NTM: variants seen among roughly 807,000 people sequenced by gnomAD.
The protein encoded by NTM is IgLON family member 2.
NTM carries 13 observed loss-of-function variants against 42.1 expected under a neutral mutation model. The ratio of observed to expected loss-of-function variants is 0.31; its 90% CI spans 0.20 to 0.49. The LOEUF is 0.49. Among genes scored for constraint, NTM ranks in the 20% least tolerant of loss-of-function variants. The probability of loss-of-function intolerance (pLI) is 0.99; values close to 1 mark genes in which losing one functional copy is unlikely to be tolerated. For synonymous variants in NTM, 187 were observed against 179.2 expected (o/e 1.04, Z -0.35); for missense variants, 373 against 452.8 (o/e 0.82, Z 1.60).
At chr11:131,781,393 A>T (rs192038464) in intron 1 of NTM, among the ~76,000 whole-genome samples, 342 of 152,260 alleles carry the variant, frequency 2.2e-3, no homozygotes, top group Middle Eastern at 0.01. Flanking sequence ...TTGTTTCCTC[A>T]GTTGAATAAA....
intron 3 of NTM, among the ~76,000 whole-genome samples, chr11:132,160,889 G>A (rs1410200778): frequency 1.3e-5 from 2 of 152,194 alleles, no homozygotes; most frequent in Non-Finnish European, 2.9e-5. Context: ...AAGGAGGAGG[G>A]TGAGAGGAGA....
At chr11:131,552,541 C>T (rs900511150) in intron 1 of NTM, among the ~76,000 whole-genome samples, 2 of 145,564 alleles carry the variant, frequency 1.4e-5, no homozygotes, top group Admixed American at 7.0e-5. Flanking sequence ...AGAGGCCGAG[C>T]GCGGTGGCTC....
intron 4 of NTM, among the ~76,000 whole-genome samples, chr11:132,296,042 G>C (rs902428070): frequency 6.6e-6 from 1 of 152,204 alleles, no homozygotes; most frequent in South Asian, 2.1e-4. Context: ...AAGGGAAAGA[G>C]AGCAAGCAAT....
chr11:131,444,627 G>A (rs1949899946), intron 1 of NTM, among the ~76,000 whole-genome samples: 1 of 152,188 alleles, frequency 6.6e-6, no homozygotes, highest in South Asian at 2.1e-4. Flanking sequence ...TGCATGGAAG[G>A]TTCTTGAATG....
At chr11:132,196,081 C>T (rs966746033) in intron 3 of NTM, among the ~76,000 whole-genome samples, 5 of 151,960 alleles carry the variant, frequency 3.3e-5, no homozygotes, top group African/African-American at 4.8e-5. Flanking sequence ...GAATCTATAA[C>T]GAACTTAATT....
intron 1 of NTM, among the ~76,000 whole-genome samples, chr11:131,522,476 C>T (rs1298715665): frequency 1.3e-5 from 2 of 152,084 alleles, no homozygotes; most frequent in Non-Finnish European, 2.9e-5. Context: ...AACCACTGAG[C>T]AATTCACAGT....
At chr11:131,789,636 A>AGAAGAAGAAGAAGAAGAAGAGAAG (rs1555127949) in intron 1 of NTM, among the ~76,000 whole-genome samples, 1 of 30,900 alleles carries the variant, frequency 3.2e-5, no homozygotes, top group African/African-American at 1.2e-4. Context: ...AAGAAGAAGA[A>AGAAGAAGAAGAAGAAGAAGAGAAG]AAGAAGAAGA....
intron 1 of NTM, among the ~76,000 whole-genome samples, chr11:131,511,747 C>T (rs2048282263): frequency 6.6e-6 from 1 of 152,226 alleles, no homozygotes. Flanking sequence ...TCTGTGCATA[C>T]TGCTAAATAG....
At chr11:131,803,507 C>T (rs542213347) in intron 1 of NTM, among the ~76,000 whole-genome samples, 1 of 152,206 alleles carries the variant, frequency 6.6e-6, no homozygotes, top group Admixed American at 6.5e-5. Flanking sequence ...ATAGGGTTTC[C>T]CTATGTTGGC....
At chr11:132,049,824 C>T (rs576161949) in intron 2 of NTM, among the ~76,000 whole-genome samples, 92 of 152,164 alleles carry the variant, frequency 6.0e-4, no homozygotes, top group African/African-American at 2.1e-3. Context: ...AGGTTTTTGC[C>T]GGTCAGACAT....
intron 2 of NTM, among the ~76,000 whole-genome samples, chr11:132,142,224 C>G (rs1156390030): frequency 6.6e-6 from 1 of 152,224 alleles, no homozygotes; most frequent in African/African-American, 2.4e-5. Flanking sequence ...TGACTTGTGA[C>G]TATTCCTCCA....
chr11:131,427,914 T>C (rs997073969), intron 1 of NTM, among the ~76,000 whole-genome samples: 1 of 152,246 alleles, frequency 6.6e-6, no homozygotes, highest in African/African-American at 2.4e-5. Context: ...TTCTCTGAGC[T>C]AATATCGATA....
At chr11:132,133,475 C>G (rs2137109147) in intron 2 of NTM, among the ~76,000 whole-genome samples, 1 of 152,304 alleles carries the variant, frequency 6.6e-6, no homozygotes, top group Non-Finnish European at 1.5e-5. Flanking sequence ...TAATGCACTT[C>G]AGTTCATCCA....
intron 1 of NTM, among the ~76,000 whole-genome samples, chr11:131,614,131 G>A (rs1446289417): frequency 1.3e-5 from 2 of 152,200 alleles, no homozygotes. Flanking sequence ...GCTACCGACA[G>A]CCTTGAACTA....
chr11:131,686,585 G>A lies in NTM; in HGVS notation c.83-224979G>A, dbSNP rs540623411. 2.6e-5 allele frequency among the ~76,000 whole-genome samples: 4 copies of A among 152,256 alleles called. No individual in the cohort carries two copies. The South Asian group carries it at 8.3e-4, about 32-fold the overall frequency. ...GGTGGCGGAGGCAGAAGAGGAGGAG[G>A]CAGGAAGTGCAGGCACTCTTGGTGT... On this transcript the variant is annotated intron_variant, in intron 1 of 8. Transcript: ENST00000683400.
intron 2 of NTM, among the ~76,000 whole-genome samples, chr11:132,079,251 A>G (rs1219776123): frequency 2.6e-5 from 4 of 152,164 alleles, no homozygotes; most frequent in Admixed American, 6.5e-5. Context: ...CTGCTTTTCT[A>G]CACTCTTTGT....
chr11:132,026,283 C>T (rs1280168288), intron 2 of NTM, among the ~76,000 whole-genome samples: 1 of 152,196 alleles, frequency 6.6e-6, no homozygotes, highest in African/African-American at 2.4e-5. Context: ...TCTTGCCCCG[C>T]ATGATCAGGA....
intron 3 of NTM, among the ~76,000 whole-genome samples, chr11:132,148,696 A>G (rs545003406): frequency 6.6e-6 from 1 of 152,324 alleles, no homozygotes; most frequent in East Asian, 1.9e-4. Flanking sequence ...ACCTCGCAGA[A>G]TGCCTGATAC....
chr11:132,322,348 T>C (rs1273264764), intron 7 of NTM, among the ~76,000 whole-genome samples: 1 of 148,204 alleles, frequency 6.7e-6, no homozygotes, highest in African/African-American at 2.5e-5. Flanking sequence ...ACCAAGCAAA[T>C]GGAAAAGAAA....
Sources: allele counts gnomAD v4.1 joint callset (sites outside exome capture counted in the v4.1 genomes callset), GRCh38; gene constraint gnomAD v4.1.1; transcripts MANE v1.5; gene names NCBI Gene and HGNC (gene_info 2026-07-23, HGNC 2026-07-21).